Variants in SLC9A8 observed in about 807,000 individuals in gnomAD.
SLC9A8 encodes sodium/hydrogen exchanger 8.
Under a neutral mutation model 66.6 loss-of-function variants are expected in SLC9A8, and 48 were observed. The ratio of observed to expected loss-of-function variants is 0.72; its 90% CI spans 0.57 to 0.92. SLC9A8 has a LOEUF of 0.92. SLC9A8 is among the 40% of genes least tolerant of loss of function. The pLI is 0.00. For missense variants in SLC9A8, 599 were observed against 747.3 expected (o/e 0.80, Z 2.31); for synonymous variants, 274 against 282.6 (o/e 0.97, Z 0.31).
chr20:49,841,773 T>G (rs2146570277), intron 4 of SLC9A8, among the ~76,000 whole-genome samples: 1 of 151,984 alleles, frequency 6.6e-6, no homozygotes, highest in African/African-American at 2.4e-5. Flanking sequence ...TTTTGTATTT[T>G]TAGTAGAGAC....
At position 49,835,171 on chromosome 20, in the gene SLC9A8, C is replaced by T. The variant is rs148626603; in HGVS notation, c.290-4370C>T. On this transcript the variant is annotated intron_variant, in intron 3 of 15. Transcript: ENST00000361573. ...CTGCCATTTGTAGTCTCTGGATCTG[C>T]CCTAGGGAGATAGTCTGGGTTTGTT... Among the ~76,000 whole-genome samples, 646 of 143,972 alleles carry T rather than the reference C, an allele frequency of 4.5e-3. 3 individuals are homozygous for T. The highest frequency in any genetic ancestry group is 0.017 in the African/African-American group (624 of 37,306). The allele number at this position is 143,972 out of a possible 152,430, so 94.5% of individuals were successfully genotyped here.
At chr20:49,887,598 G>T (rs55689142) in intron 15 of SLC9A8, among the ~76,000 whole-genome samples, 5 of 152,164 alleles carry the variant, frequency 3.3e-5, no homozygotes, top group Non-Finnish European at 5.9e-5. Flanking sequence ...CACATGTTCA[G>T]CCTCAAGCCA....
In SLC9A8 at chr20:49,830,006, A is replaced by C. The variant is rs2087105733; in HGVS notation, c.289+6865A>C. Reference sequence around the variant, plus strand: ...CGTGGAGTCCGGTACCTTGAAGTGGATGATGGCCGGACCAGTGGCTGCATT... The same window carrying C: ...CGTGGAGTCCGGTACCTTGAAGTGGCTGATGGCCGGACCAGTGGCTGCATT... On this transcript the variant is annotated intron_variant, in intron 3 of 15. Transcript: ENST00000361573. The C allele has an allele frequency of 4.7e-6, 3 of 635,726 alleles. No individual in the cohort carries two copies. In the Admixed American group the frequency reaches 5.5e-5, roughly 12 times the overall value. 39.4% of individuals were successfully genotyped at this position (635,726 alleles called of 1,614,324 possible).
At chr20:49,866,396 T>C (rs923022315) in intron 10 of SLC9A8, among the ~76,000 whole-genome samples, 2 of 152,246 alleles carry the variant, frequency 1.3e-5, no homozygotes, top group Non-Finnish European at 2.9e-5. Flanking sequence ...TTAAGGCTGC[T>C]AGGTCATATG....
intron 15 of SLC9A8, among the ~76,000 whole-genome samples, 171 bp from the exon 16 acceptor site, chr20:49,887,658 A>G (rs751137629): frequency 2.6e-5 from 4 of 152,122 alleles, no homozygotes; most frequent in Admixed American, 6.5e-5. Flanking sequence ...CCACCCCCAC[A>G]AAGAACAATC....
intron 5 of SLC9A8, among the ~76,000 whole-genome samples, chr20:49,845,482 G>A (rs770840135): frequency 2.0e-5 from 3 of 152,194 alleles, no homozygotes; most frequent in Non-Finnish European, 2.9e-5. Flanking sequence ...CTGGGACGAC[G>A]GGGACATGTG....
chr20:49,849,166 A>G (rs964093425), intron 5 of SLC9A8, among the ~76,000 whole-genome samples: 4 of 152,146 alleles, frequency 2.6e-5, no homozygotes, highest in African/African-American at 9.7e-5. Context: ...AAAGGCGAGC[A>G]TGGTGCCAGA....
chr20:49,884,287 AC>A (rs2089786491), intron 14 of SLC9A8: 1 of 243,830 alleles, frequency 4.1e-6, no homozygotes, highest in Non-Finnish European at 7.6e-6. Flanking sequence ...ACACACACAC[AC>A]GACACACACA....
chr20:49,837,624 C>T (rs1011674536), intron 3 of SLC9A8, among the ~76,000 whole-genome samples: 19 of 152,188 alleles, frequency 1.2e-4, no homozygotes, highest in African/African-American at 4.6e-4. Flanking sequence ...GGCTGGAGTG[C>T]AGTGGCATGA....
intron 7 of SLC9A8, 53 bp from the exon 8 acceptor site, chr20:49,855,385 G>A: frequency 4.4e-6 from 7 of 1,577,040 alleles, no homozygotes; most frequent in Non-Finnish European, 5.2e-6. Context: ...GCTTTAATAT[G>A]TGGACCAAGT....
chr20:49,880,444 T>C (rs1166554583), intron 12 of SLC9A8, among the ~76,000 whole-genome samples: 2 of 152,122 alleles, frequency 1.3e-5, no homozygotes, highest in Non-Finnish European at 1.5e-5. Context: ...AGTGTTTCCA[T>C]GCATGGGAGG....
At chr20:49,835,525 C>G (rs185304378) in intron 3 of SLC9A8, among the ~76,000 whole-genome samples, 1 of 152,036 alleles carries the variant, frequency 6.6e-6, no homozygotes, top group Non-Finnish European at 1.5e-5. Context: ...ACATTTCTCC[C>G]TTCTCCCATC....
At chr20:49,866,353 G>A (rs1185336031) in intron 10 of SLC9A8, among the ~76,000 whole-genome samples, 1 of 152,174 alleles carries the variant, frequency 6.6e-6, no homozygotes, top group Non-Finnish European at 1.5e-5. Flanking sequence ...CAGTGTGCAT[G>A]TGTTTTCATT....
At position 49,886,775 on chromosome 20, in the gene SLC9A8, C is replaced by T. The variant is rs767004594; in HGVS notation, c.1515C>T (p.His505=). ...AGGGCAACACTGTGGAGTCGGAGCA[C>T]CTGTCGGAGCTCACGGAGGAGGAGT... is the stretch of plus-strand genomic sequence containing the variant. The part of the protein sequence containing the change: ...EKMGNTVESE[H]LSELTEEEYE... Residue 505 remains histidine (H), a synonymous_variant, in exon 15 of 16, where the codon CAC becomes CAT. Coordinates refer to ENST00000361573, the MANE Select transcript of SLC9A8 (RefSeq NM_015266.3). The surrounding 1 kb of genome is among the most constrained non-coding windows in gnomAD (Gnocchi z 4.8). The T allele has an allele frequency of 2.5e-6, 4 of 1,614,104 alleles. No individual in the cohort carries two copies. The East Asian group carries it at 8.9e-5, about 36-fold the overall frequency.
intron 3 of SLC9A8, among the ~76,000 whole-genome samples, chr20:49,825,574 G>A (rs1052146184): frequency 3.9e-5 from 6 of 152,148 alleles, no homozygotes; most frequent in Non-Finnish European, 4.4e-5. Flanking sequence ...TCCAGGAGGC[G>A]GAAGTTGCAT....
chr20:49,874,868 A>ATT, intron 11 of SLC9A8, 47 bp downstream of exon 11: 1 of 1,284,744 alleles, frequency 7.8e-7, no homozygotes, highest in Non-Finnish European at 1.1e-6. Context: ...CCCAGAGCTG[A>ATT]TCTTGCTTCC....
chr20:49,833,571 G>A (rs1443135644), intron 3 of SLC9A8, among the ~76,000 whole-genome samples: 1 of 152,190 alleles, frequency 6.6e-6, no homozygotes, highest in Non-Finnish European at 1.5e-5. Context: ...GTGAGCGAGC[G>A]AGCATTGGCA....
chr20:49,846,097 C>T (rs1408140406), intron 5 of SLC9A8, among the ~76,000 whole-genome samples: 2 of 152,156 alleles, frequency 1.3e-5, no homozygotes, highest in East Asian at 1.9e-4. Context: ...CCTTGGCTTC[C>T]CAAAGTGCTG....
At chr20:49,849,545 T>TA in intron 5 of SLC9A8, 34 bp from the exon 6 acceptor site, 7 of 1,541,672 alleles carry the variant, frequency 4.5e-6, no homozygotes, top group Non-Finnish European at 6.3e-6. Context: ...ATGGCTTTTC[T>TA]AATCATTTCC....
Sources: gnomAD v4.1 joint callset for allele counts (sites outside exome capture counted in the v4.1 genomes callset) on GRCh38, gnomAD v4.1.1 for gene constraint, Gnocchi (gnomAD v3.1) non-coding constraint, MANE v1.5 for transcripts, NCBI Gene and HGNC (gene_info 2026-07-23, HGNC 2026-07-21) for gene names.